Variants in SPATS2L observed in about 807,000 individuals in gnomAD.
SPATS2L encodes spermatogenesis associated serine rich 2 like, also known as SPATS2-like protein.
In SPATS2L, 30 loss-of-function variants were observed where a neutral mutation model predicts 59.6. The observed-to-expected ratio is 0.50, with a 90% confidence interval of 0.38 to 0.68. The LOEUF (loss-of-function observed/expected upper bound fraction) is 0.68. Among genes scored for constraint, SPATS2L ranks in the 30% least tolerant of loss-of-function variants. SPATS2L has a pLI of 0.00. For missense variants in SPATS2L, 615 were observed against 700.0 expected, an observed-to-expected ratio of 0.88 and a Z score of 1.37; for synonymous variants, 252 against 263.5, an observed-to-expected ratio of 0.96 and a Z score of 0.42.
intron 2 of SPATS2L, among the ~76,000 whole-genome samples, chr2:200,377,616 G>GC (rs1038746359): frequency 6.6e-5 from 10 of 152,130 alleles, no homozygotes; most frequent in Non-Finnish European, 1.3e-4. Flanking sequence ...TCTCCACTCT[G>GC]CCCCAAATGT....
chr2:200,456,894 A>G (rs988208551), intron 8 of SPATS2L, among the ~76,000 whole-genome samples: 4 of 152,140 alleles, frequency 2.6e-5, no homozygotes, highest in Admixed American at 6.6e-5. Context: ...TCTTCTTGCC[A>G]TCGTCATTTT....
intron 6 of SPATS2L, among the ~76,000 whole-genome samples, chr2:200,436,016 A>G (rs2084263003): frequency 6.6e-6 from 1 of 152,172 alleles, no homozygotes; most frequent in Non-Finnish European, 1.5e-5. Flanking sequence ...TTACACTTAT[A>G]GCACATCTCA....
intron 6 of SPATS2L, among the ~76,000 whole-genome samples, chr2:200,422,951 T>A (rs2083376707): frequency 6.6e-6 from 1 of 152,152 alleles, no homozygotes; most frequent in Non-Finnish European, 1.5e-5. Context: ...GATGATAAAA[T>A]GCCTGCATGA....
chr2:200,375,155 G>A (rs548913804), intron 2 of SPATS2L, among the ~76,000 whole-genome samples: 183 of 152,210 alleles, frequency 1.2e-3, no homozygotes, highest in African/African-American at 3.8e-3. Flanking sequence ...TTTATGAAGC[G>A]TCCGTAAAGT....
chr2:200,415,649 A>T (rs1365249400), intron 4 of SPATS2L, among the ~76,000 whole-genome samples: 1 of 152,022 alleles, frequency 6.6e-6, no homozygotes, highest in Non-Finnish European at 1.5e-5. Flanking sequence ...ACATTTTTTT[A>T]ATGTCTTGTA....
intron 2 of SPATS2L, among the ~76,000 whole-genome samples, chr2:200,329,731 G>A (rs1025494103): frequency 2.6e-5 from 4 of 151,210 alleles, no homozygotes; most frequent in East Asian, 2.0e-4. Context: ...GCCTTGCCAC[G>A]TCTGTGGATC....
At chr2:200,386,327 C>A (rs573491356) in intron 2 of SPATS2L, among the ~76,000 whole-genome samples, 1 of 152,210 alleles carries the variant, frequency 6.6e-6, no homozygotes, top group African/African-American at 2.4e-5. Flanking sequence ...CAGCATTTTT[C>A]TTCCACAAAA....
At chr2:200,464,322 T>C (rs960562744) in intron 9 of SPATS2L, among the ~76,000 whole-genome samples, 1 of 152,254 alleles carries the variant, frequency 6.6e-6, no homozygotes, top group Non-Finnish European at 1.5e-5. Context: ...TGAGACTATA[T>C]GTAAAATGCA....
At chr2:200,473,327 A>C (rs1455105719) in intron 12 of SPATS2L, among the ~76,000 whole-genome samples, 1 of 152,096 alleles carries the variant, frequency 6.6e-6, no homozygotes, top group Non-Finnish European at 1.5e-5. Context: ...CCCCAGTGAC[A>C]CAGTTCTTCT....
chr2:200,365,048 C>G (rs1435163399), intron 2 of SPATS2L, among the ~76,000 whole-genome samples: 1 of 152,168 alleles, frequency 6.6e-6, no homozygotes, highest in Non-Finnish European at 1.5e-5. Flanking sequence ...TTGGGTAGAT[C>G]CTGGTGTAAG....
chr2:200,477,840 A>T lies in SPATS2L; in HGVS notation c.1486A>T (p.Met496Leu). ...GAKNQEASLG[M>L]KTPEAPAHSE... ...CAAAAATCAAGAGGCTTCCTTGGGG[A>T]TGAAGACCCCCGAGGCCCCGGCCCA... Residue 496 changes from methionine (M) to leucine (L), a missense_variant, in exon 13 of 13, where the codon ATG becomes TTG. By Grantham distance (15) the Met-to-Leu change is conservative. Transcript: ENST00000409140. The T allele has an allele frequency of 6.3e-7, 1 of 1,583,442 alleles. No individual in the cohort carries two copies. Among genetic ancestry groups the T allele is most frequent in the Non-Finnish European group, 8.6e-7 (1 of 1,164,730 alleles).
intron 3 of SPATS2L, among the ~76,000 whole-genome samples, chr2:200,393,699 ATTAGCTTT>A (rs1426585947): frequency 1.3e-5 from 2 of 152,226 alleles, no homozygotes; most frequent in Non-Finnish European, 2.9e-5. Flanking sequence ...GTCTTTAGTT[ATTAGCTTT>A]TATGGCCTAA....
At chr2:200,317,427 A>G (rs569479764) in intron 1 of SPATS2L, among the ~76,000 whole-genome samples, 1 of 152,246 alleles carries the variant, frequency 6.6e-6, no homozygotes, top group Non-Finnish European at 1.5e-5. Context: ...TGCAAATGCT[A>G]TGGAGGTGGT....
intron 1 of SPATS2L, among the ~76,000 whole-genome samples, chr2:200,315,807 T>G (rs1351759988): frequency 7.1e-6 from 1 of 140,776 alleles, no homozygotes; most frequent in Non-Finnish European, 1.5e-5. Context: ...CCTTAAGAGA[T>G]ATGCAGAGCT....
intron 2 of SPATS2L, among the ~76,000 whole-genome samples, chr2:200,351,830 T>A (rs578256466): frequency 6.6e-6 from 1 of 152,238 alleles, no homozygotes; most frequent in South Asian, 2.1e-4. Context: ...TGGTTATAAA[T>A]CCCCTGCTCC....
chr2:200,336,431 G>T (rs1044137698), intron 2 of SPATS2L, among the ~76,000 whole-genome samples: 4 of 152,116 alleles, frequency 2.6e-5, no homozygotes, highest in Admixed American at 2.6e-4. Context: ...CATACAAAAT[G>T]TGAGTAGAAA....
At position 200,320,622 on chromosome 2, in the gene SPATS2L, G is replaced by A. The variant is rs539168331; in HGVS notation, c.-72-8809G>A. Among the ~76,000 whole-genome samples, 12 of 151,738 alleles carry A rather than the reference G, an allele frequency of 7.9e-5. No homozygotes were observed. The East Asian group carries it at 1.8e-3, about 22-fold the overall frequency. ...ATGGCTCCATGACAGTATCAGTAAC[G>A]TGACCATGACAGAGAGAGCTCTGAT... On this transcript the variant is annotated intron_variant, in intron 1 of 12. Transcript: ENST00000409140.
chr2:200,439,884 G>T (rs2084572324), intron 7 of SPATS2L, among the ~76,000 whole-genome samples: 1 of 152,170 alleles, frequency 6.6e-6, no homozygotes, highest in Non-Finnish European at 1.5e-5. Context: ...TACGTAACTG[G>T]TATTAAAAAT....
rs184493109 is a variant in SPATS2L at position 200,336,488 on chromosome 2, C to G, written c.-23+7008C>G. On this transcript the variant is annotated intron_variant, in intron 2 of 12. Coordinates refer to ENST00000409140, the MANE Select transcript of SPATS2L (RefSeq NM_001100423.2). ...TGTATTTCAAAGGCTACTTACTGCT[C>G]ATAGTTAAAATGTGTGGAAAAGTCT... is the stretch of plus-strand genomic sequence containing the variant. Among the ~76,000 whole-genome samples the G allele has an allele frequency of 2.4e-4, 36 of 152,204 alleles. 1 individual carries two copies. The East Asian group carries it at 6.4e-3, about 27-fold the overall frequency.
Sources: allele counts gnomAD v4.1 joint callset (sites outside exome capture counted in the v4.1 genomes callset), GRCh38; gene constraint gnomAD v4.1.1; transcripts MANE v1.5; gene names NCBI Gene and HGNC (gene_info 2026-07-23, HGNC 2026-07-21).